The following SORL1 variants were observed in gnomAD, a reference collection of about 807,000 sequenced individuals.
The protein encoded by SORL1 is sortilin-related receptor.
In SORL1, 127 loss-of-function variants were observed where a neutral mutation model predicts 273.7. The ratio of observed to expected loss-of-function variants is 0.46; its 90% CI spans 0.40 to 0.54. The LOEUF is 0.54. SORL1 is among the 20% of genes least tolerant of loss of function. The probability of loss-of-function intolerance (pLI) is 0.00; values close to 1 mark genes in which losing one functional copy is unlikely to be tolerated. For synonymous variants in SORL1, 1,031 were observed against 1,067.4 expected (o/e 0.97, Z 0.66); for missense variants, 2,494 against 2,846.1 (o/e 0.88, Z 2.81).
intron 20 of SORL1, among the ~76,000 whole-genome samples, chr11:121,559,214 C>T (rs1371977247): frequency 2.6e-5 from 4 of 152,256 alleles, no homozygotes; most frequent in East Asian, 1.9e-4. Flanking sequence ...AGTTCTTTTT[C>T]GACTCTGGAG....
chr11:121,529,365 C>T (rs1355814950), intron 11 of SORL1, among the ~76,000 whole-genome samples: 2 of 151,928 alleles, frequency 1.3e-5, no homozygotes, highest in Non-Finnish European at 2.9e-5. Flanking sequence ...TTCAGGCGCT[C>T]ACCACCACAC....
In SORL1 at chr11:121,605,514, T is replaced by G; in HGVS notation, c.4891T>G (p.Cys1631Gly). The G allele has an allele frequency of 1.9e-6, 3 of 1,614,152 alleles. No individual in the cohort carries two copies. Among genetic ancestry groups the G allele is most frequent in the Non-Finnish European group, 2.5e-6 (3 of 1,180,008 alleles). The change falls in exon 35 of 48, where the codon TGT (cysteine) becomes GGT (glycine). Residue 1631 changes from cysteine (C) to glycine (G), a missense_variant. Cys to Gly is a radical substitution (Grantham distance 159, BLOSUM62 -3). Transcript: ENST00000260197. ...GTATCAGGTTAAAGTACAGGTTCAG[T>G]GTCTCAGCAAGGCACACAACACCAA... ...TTYQVKVQVQCLSKAHNTNDF... is the reference protein window; with the variant it reads ...TTYQVKVQVQGLSKAHNTNDF...
chr11:121,539,341 C>T (rs974833966), intron 12 of SORL1, among the ~76,000 whole-genome samples: 33 of 152,328 alleles, frequency 2.2e-4, no homozygotes, highest in African/African-American at 7.9e-4. Flanking sequence ...CGTCTGAGTG[C>T]TCTCAAATAA....
At chr11:121,622,879 GGGTT>G (rs1863743080) in intron 45 of SORL1, among the ~76,000 whole-genome samples, 1 of 152,218 alleles carries the variant, frequency 6.6e-6, no homozygotes, top group African/African-American at 2.4e-5. Context: ...GAGTAAAGCT[GGGTT>G]GGCCCCAGAG....
intron 20 of SORL1, 57 bp from the exon 21 acceptor site, chr11:121,559,462 G>A (rs896033250): frequency 3.8e-6 from 6 of 1,570,584 alleles, no homozygotes; most frequent in South Asian, 3.5e-5. Flanking sequence ...TACCCTTAGA[G>A]AGAACCAGAA....
chr11:121,473,076 T>C (rs1861196818), intron 2 of SORL1, among the ~76,000 whole-genome samples: 1 of 152,124 alleles, frequency 6.6e-6, no homozygotes, highest in Non-Finnish European at 1.5e-5. Context: ...TGTTAAAGGA[T>C]TGGCAGATGC....
chr11:121,530,464 C>CTTCCAGTACTTTAAACAGTACTTTAAAG (rs1862187095), intron 11 of SORL1, among the ~76,000 whole-genome samples: 1 of 152,148 alleles, frequency 6.6e-6, no homozygotes, highest in African/African-American at 2.4e-5. Flanking sequence ...TTAAAGATGT[C>CTTCCAGTACTTTAAACAGTACTTTAAAG]TACTGTTTTC....
chr11:121,578,471 A>C (rs561983142), intron 25 of SORL1, among the ~76,000 whole-genome samples: 2 of 152,348 alleles, frequency 1.3e-5, no homozygotes, highest in South Asian at 4.1e-4. Context: ...AAGGAAATAC[A>C]AAGAAGGTAC....
rs1486223099 is a variant in SORL1 at position 121,629,746 on chromosome 11, G to T, written c.*183G>T. On this transcript the variant is annotated 3_prime_UTR_variant, in exon 48 of 48. Coordinates refer to ENST00000260197, the MANE Select transcript of SORL1 (RefSeq NM_003105.6). ...AATAAACTTTGTAGTAATCAACTGT[G>T]AACTTCAAACCAGGTTGATTTTAGT... The T allele has an allele frequency of 6.9e-6, 4 of 576,436 alleles. No individual in the cohort carries two copies. Among genetic ancestry groups the T allele is most frequent in the Non-Finnish European group, 1.2e-5 (4 of 327,158 alleles). 35.7% of individuals were successfully genotyped at this position (576,436 alleles called of 1,614,324 possible). A position where few individuals can be genotyped will look rare whatever the true frequency, so the allele number is the denominator to read the frequency against.
chr11:121,533,273 G>A (rs1302870833), intron 12 of SORL1, among the ~76,000 whole-genome samples: 2 of 152,162 alleles, frequency 1.3e-5, no homozygotes, highest in East Asian at 1.9e-4. Context: ...TGGAAGGGGT[G>A]TTTAGGGTTA....
rs775188674 is a variant in SORL1, at chr11:121,591,130, C to T, written c.4343C>T (p.Ser1448Phe). ...GGGTACCGAGATTGTGCAGATGGCT[C>T]TGACGAGGAAGCCTGCCCCTTGCTT... ...CDGYRDCADG[S>F]DEEACPLLAN... Residue 1448 changes from serine to phenylalanine, a missense_variant, in exon 31 of 48, where the codon TCT becomes TTT. Physicochemically the swap from Ser to Phe is radical, Grantham distance 155. Transcript: ENST00000260197. The T allele has an allele frequency of 6.2e-7, 1 of 1,614,198 alleles. No individual in the cohort carries two copies. Among genetic ancestry groups the T allele is most frequent in the Non-Finnish European group, 8.5e-7 (1 of 1,180,044 alleles).
intron 12 of SORL1, among the ~76,000 whole-genome samples, chr11:121,539,885 C>T (rs1325989124): frequency 1.3e-5 from 2 of 152,076 alleles, no homozygotes; most frequent in African/African-American, 4.8e-5. Flanking sequence ...ATTATTTATT[C>T]TATTGGCCAT....
chr11:121,600,605 T>C (rs1173876696), intron 32 of SORL1, among the ~76,000 whole-genome samples: 2 of 152,196 alleles, frequency 1.3e-5, no homozygotes, highest in Non-Finnish European at 2.9e-5. Flanking sequence ...TAAATCAGTG[T>C]TTTCAGCCTG....
chr11:121,514,746 G>T (rs955232120), intron 8 of SORL1, among the ~76,000 whole-genome samples: 1 of 152,170 alleles, frequency 6.6e-6, no homozygotes, highest in African/African-American at 2.4e-5. Context: ...CTCTTTTTAA[G>T]AGATAATCGG....
intron 1 of SORL1, 26 bp from the exon 2 acceptor site, chr11:121,469,981 C>G (rs1377689659): frequency 6.8e-7 from 1 of 1,481,384 alleles, no homozygotes; most frequent in Non-Finnish European, 9.4e-7. Context: ...ATCGTGGGTC[C>G]TAATTCCTAC....
At chr11:121,471,814 C>T (rs568252946) in intron 2 of SORL1, among the ~76,000 whole-genome samples, 45 of 152,178 alleles carry the variant, frequency 3.0e-4, no homozygotes, top group Non-Finnish European at 5.1e-4. Context: ...TGACTTTGCC[C>T]GGGGTGGGTT....
At chr11:121,588,772 G>T (rs930873710) in intron 28 of SORL1, among the ~76,000 whole-genome samples, 1 of 152,212 alleles carries the variant, frequency 6.6e-6, no homozygotes, top group African/African-American at 2.4e-5. Flanking sequence ...GGTGTCGGCA[G>T]GGTTGGGTTC....
intron 16 of SORL1, among the ~76,000 whole-genome samples, chr11:121,553,208 G>C (rs1862529987): frequency 6.6e-6 from 1 of 152,138 alleles, no homozygotes; most frequent in Admixed American, 6.5e-5. Flanking sequence ...AACCTCTCTG[G>C]TCTCAGTTTT....
In SORL1 at chr11:121,518,831, T is replaced by C. The variant is rs181670314; in HGVS notation, c.1212-1826T>C. Among the ~76,000 whole-genome samples the C allele has an allele frequency of 2.4e-4, 37 of 152,162 alleles. No homozygotes were observed. The East Asian group carries it at 7.1e-3, about 29-fold the overall frequency. ...TCTGTCTGAGGTGGCAGGGCAGTCATCCAGCTGAAGAGATTGTGTGGAGAT... is the reference window on the plus strand; with the variant it reads ...TCTGTCTGAGGTGGCAGGGCAGTCACCCAGCTGAAGAGATTGTGTGGAGAT... On this transcript the variant is annotated intron_variant, in intron 8 of 47. Transcript: ENST00000260197.
Sources: gnomAD v4.1 joint callset for allele counts (sites outside exome capture counted in the v4.1 genomes callset) on GRCh38, gnomAD v4.1.1 for gene constraint, MANE v1.5 for transcripts, NCBI Gene and HGNC (gene_info 2026-07-23, HGNC 2026-07-21) for gene names.